GRID2: variants seen among roughly 807,000 people sequenced by gnomAD.
GRID2 encodes the protein glutamate ionotropic receptor delta type subunit 2, also known as glutamate receptor ionotropic, delta-2.
In GRID2, 33 loss-of-function variants were observed where a neutral mutation model predicts 114.8. The ratio of observed to expected loss-of-function variants is 0.29; its 90% CI spans 0.22 to 0.38. The LOEUF is 0.38. Among genes scored for constraint, GRID2 ranks in the 10% least tolerant of loss-of-function variants. The pLI is 1.00. For missense variants in GRID2, 1,184 were observed against 1,257.7 expected, an observed-to-expected ratio of 0.94 and a Z score of 0.89; for synonymous variants, 505 against 449.9, an observed-to-expected ratio of 1.12 and a Z score of -1.55.
chr4:92,917,331 GTTTCTTT>G (rs1318571152), intron 2 of GRID2, among the ~76,000 whole-genome samples: 1 of 152,110 alleles, frequency 6.6e-6, no homozygotes, highest in Admixed American at 6.5e-5. Flanking sequence ...TCTGATGGTA[GTTTCTTT>G]TGCTGTGCAG....
rs116121694 is a variant in GRID2 at position 93,218,728 on chromosome 4, T to G, written c.963+1817T>G. 8.3e-3 allele frequency among the ~76,000 whole-genome samples: 1,263 copies of G among 152,276 alleles called. 14 individuals are homozygous for G. The highest frequency in any genetic ancestry group is 0.038 in the South Asian group (181 of 4,824). ...GTTCCACCCTTATCTATATGTGTAT[T>G]AGTTCATTCTCACACTGCCATAAAG... On this transcript the variant is annotated intron_variant, in intron 6 of 15. Coordinates refer to ENST00000282020, the MANE Select transcript of GRID2 (RefSeq NM_001510.4).
intron 1 of GRID2, among the ~76,000 whole-genome samples, chr4:92,400,177 G>A (rs1439345575): frequency 6.6e-6 from 1 of 151,970 alleles, no homozygotes; most frequent in African/African-American, 2.4e-5. Flanking sequence ...TCACAAAATT[G>A]TGCAACTACC....
chr4:93,449,707 A>G (rs1432174344), intron 10 of GRID2, among the ~76,000 whole-genome samples: 1 of 152,098 alleles, frequency 6.6e-6, no homozygotes, highest in Admixed American at 6.5e-5. Flanking sequence ...CTAGTGAGCT[A>G]TCATCAAAGT....
intron 2 of GRID2, among the ~76,000 whole-genome samples, chr4:92,865,893 TACAA>T (rs1744827395): frequency 6.6e-6 from 1 of 152,136 alleles, no homozygotes; most frequent in Non-Finnish European, 1.5e-5. Flanking sequence ...CTTGCAAAAA[TACAA>T]ACATCGTTAT....
chr4:92,935,306 A>G (rs867655722), intron 2 of GRID2, among the ~76,000 whole-genome samples: 1 of 147,530 alleles, frequency 6.8e-6, no homozygotes, highest in Non-Finnish European at 1.5e-5. Context: ...ACTGGCCATC[A>G]GAGAAATGCA....
At chr4:93,282,597 T>G (rs981148500) in intron 8 of GRID2, among the ~76,000 whole-genome samples, 6 of 152,036 alleles carry the variant, frequency 3.9e-5, no homozygotes, top group Non-Finnish European at 8.8e-5. Context: ...CATGAACTAA[T>G]TACCTCTTGA....
At chr4:93,393,348 G>A (rs953016903) in intron 8 of GRID2, among the ~76,000 whole-genome samples, 3 of 151,738 alleles carry the variant, frequency 2.0e-5, no homozygotes, top group Non-Finnish European at 4.4e-5. Context: ...TATGAGTCAG[G>A]CGGAAAAAAA....
At position 93,323,418 on chromosome 4, in the gene GRID2, G is replaced by A. The variant is rs563173245; in HGVS notation, c.1246-72189G>A. Reference sequence around the variant, plus strand: ...TCCATTGGTCTATATCTCTGTTTTGGTACCAGTACCATGCTGTTTTGGTTA... The same window carrying A: ...TCCATTGGTCTATATCTCTGTTTTGATACCAGTACCATGCTGTTTTGGTTA... On this transcript the variant is annotated intron_variant, in intron 8 of 15. Coordinates refer to ENST00000282020, the MANE Select transcript of GRID2 (RefSeq NM_001510.4). Among the ~76,000 whole-genome samples the A allele has an allele frequency of 1.7e-4, 26 of 152,116 alleles. No homozygotes were observed. In the South Asian group the frequency reaches 5.2e-3, roughly 30 times the overall value.
chr4:92,473,905 G>A (rs746325645), intron 1 of GRID2, among the ~76,000 whole-genome samples: 2 of 151,260 alleles, frequency 1.3e-5, no homozygotes, highest in Non-Finnish European at 2.9e-5. Flanking sequence ...TATATATTGT[G>A]AAATGATTAC....
At chr4:92,711,967 T>G (rs1735275590) in intron 2 of GRID2, among the ~76,000 whole-genome samples, 1 of 152,190 alleles carries the variant, frequency 6.6e-6, no homozygotes, top group African/African-American at 2.4e-5. Flanking sequence ...ATGATGTCTT[T>G]ATCTTAAGTT....
At chr4:92,621,889 T>C (rs923030803) in intron 2 of GRID2, among the ~76,000 whole-genome samples, 10 of 151,818 alleles carry the variant, frequency 6.6e-5, no homozygotes, top group African/African-American at 2.4e-4. Flanking sequence ...CACAGAAATT[T>C]TCTGAAGAAA....
chr4:92,675,086 C>T (rs565431579), intron 2 of GRID2, among the ~76,000 whole-genome samples: 1 of 152,128 alleles, frequency 6.6e-6, no homozygotes, highest in South Asian at 2.1e-4. Context: ...TTTGTTCTGA[C>T]AAGTAGTTAA....
intron 13 of GRID2, among the ~76,000 whole-genome samples, chr4:93,569,282 T>G (rs1735717315): frequency 6.6e-6 from 1 of 152,196 alleles, no homozygotes; most frequent in Non-Finnish European, 1.5e-5. Context: ...GTGGGAACAC[T>G]TACTCAATAA....
Position 92,975,156 on chromosome 4 carries a change from C to CAAAAA in GRID2, c.245-109822_245-109818dup, listed in dbSNP as rs527770693. 4.3e-4 allele frequency among the ~76,000 whole-genome samples: 20 copies of CAAAAA among 46,674 alleles called. 1 individual carries two copies. Among genetic ancestry groups the CAAAAA allele is most frequent in the East Asian group, 1.2e-3 (2 of 1,628 alleles). 30.6% of individuals were successfully genotyped at this position (46,674 alleles called of 152,430 possible). The stretch of plus-strand genomic sequence containing the variant: ...TGGGCGACAGAGTGAGATTCCGCCT[C>CAAAAA]AAAAAAAAAAAAAAAAAAAAAGGTG... On this transcript the variant is annotated intron_variant, in intron 2 of 15. Coordinates refer to ENST00000282020, the MANE Select transcript of GRID2 (RefSeq NM_001510.4).
At chr4:92,672,741 T>C (rs1733137277) in intron 2 of GRID2, among the ~76,000 whole-genome samples, 1 of 152,188 alleles carries the variant, frequency 6.6e-6, no homozygotes, top group Admixed American at 6.5e-5. Context: ...GGCACATGTT[T>C]ATAATATGAT....
chr4:92,934,910 C>G (rs13121306), intron 2 of GRID2, among the ~76,000 whole-genome samples: 1 of 145,906 alleles, frequency 6.9e-6, no homozygotes, highest in Non-Finnish European at 1.5e-5. Flanking sequence ...AAGACTTAAA[C>G]GTTCGACCTA....
At chr4:92,378,523 C>G (rs1340010743) in intron 1 of GRID2, among the ~76,000 whole-genome samples, 2 of 151,898 alleles carry the variant, frequency 1.3e-5, no homozygotes, top group Non-Finnish European at 2.9e-5. Flanking sequence ...TTCCAAATAT[C>G]CTGTGTTTAT....
chr4:93,653,274 C>T (rs528225193), intron 14 of GRID2, among the ~76,000 whole-genome samples: 1 of 152,276 alleles, frequency 6.6e-6, no homozygotes, highest in Non-Finnish European at 1.5e-5. Flanking sequence ...CATTTCCACC[C>T]CAGTGCTTAG....
intron 14 of GRID2, among the ~76,000 whole-genome samples, chr4:93,629,815 C>T (rs993611842): frequency 1.3e-5 from 2 of 152,044 alleles, no homozygotes; most frequent in Admixed American, 1.3e-4. Context: ...ACAGTAACTA[C>T]ATTTATTATC....
Sources: allele counts gnomAD v4.1 joint callset (sites outside exome capture counted in the v4.1 genomes callset), GRCh38; gene constraint gnomAD v4.1.1; transcripts MANE v1.5; gene names NCBI Gene and HGNC (gene_info 2026-07-23, HGNC 2026-07-21).